ZBTB38: variants seen among roughly 807,000 people sequenced by gnomAD.
ZBTB38 encodes zinc finger and BTB domain-containing protein 38.
Under a neutral mutation model 76.8 loss-of-function variants are expected in ZBTB38, and 20 were observed. The observed-to-expected ratio is 0.26, with a 90% CI of 0.18 to 0.38. The LOEUF is 0.38. Ranked by LOEUF, ZBTB38 falls within the 10% of genes least tolerant of loss-of-function variation. The pLI is 1.00. For missense variants in ZBTB38, 1,082 were observed against 1,482.3 expected (o/e 0.73, Z 4.43); for synonymous variants, 504 against 544.2 (o/e 0.93, Z 1.03).
At chr3:141,364,382 C>CT (rs1318778576), upstream of ZBTB38, among the ~76,000 whole-genome samples, 1 of 144,280 alleles carries the variant, frequency 6.9e-6, no homozygotes, top group Non-Finnish European at 1.5e-5. Context: ...AAACTGAAAA[C>CT]TTTAAAAAAA....
intron 2 of ZBTB38, among the ~76,000 whole-genome samples, chr3:141,377,858 G>T (rs548497200): frequency 7.2e-5 from 11 of 152,308 alleles, no homozygotes; most frequent in Admixed American, 2.6e-4. Flanking sequence ...TATGCTACAT[G>T]ATTCCATTTA....
chr3:141,341,028 A>G (rs948483149), intron 1 of ZBTB38, among the ~76,000 whole-genome samples: 1 of 149,146 alleles, frequency 6.7e-6, no homozygotes, highest in East Asian at 2.0e-4. Flanking sequence ...AAAGATAGAC[A>G]AGTGGTTAAT....
intron 1 of ZBTB38, among the ~76,000 whole-genome samples, chr3:141,329,301 G>A (rs561742328): frequency 1.6e-4 from 24 of 152,236 alleles, no homozygotes; most frequent in African/African-American, 5.5e-4. Flanking sequence ...GCCATTCAAC[G>A]AAAGGAATTA....
Position 141,448,091 on chromosome 3 carries a change from TTAA to T in ZBTB38, c.*2121_*2123del, listed in dbSNP as rs1248208678. ...ATGATCCACTAATTTGTTTTATCAG[TTAA>T]TAATATTAATCAAAGACATTTACTG... On this transcript the variant is annotated 3_prime_UTR_variant, in exon 6 of 6. Transcript: ENST00000321464. 2.0e-5 allele frequency: 3 copies of T among 152,622 alleles called. No homozygotes were observed. The highest frequency in any genetic ancestry group is 4.8e-5 in the African/African-American group (2 of 41,446). 9.5% of individuals were successfully genotyped at this position (152,622 alleles called of 1,614,324 possible).
intron 4 of ZBTB38, among the ~76,000 whole-genome samples, chr3:141,401,168 T>C (rs1053304485): frequency 1.3e-5 from 2 of 152,354 alleles, no homozygotes; most frequent in South Asian, 4.1e-4. Context: ...TGATTGGTAA[T>C]TGCATATACA....
intron 4 of ZBTB38, among the ~76,000 whole-genome samples, chr3:141,393,764 A>G (rs550439346): frequency 2.0e-5 from 3 of 151,034 alleles, no homozygotes; most frequent in African/African-American, 7.4e-5. Flanking sequence ...TACCAGGGAG[A>G]AAGTGGGAAG....
At chr3:141,367,971 T>A (rs1255432117), upstream of ZBTB38, among the ~76,000 whole-genome samples, 1 of 152,092 alleles carries the variant, frequency 6.6e-6, no homozygotes. Context: ...GCACCCAGGG[T>A]AGGGAGCGAA....
In ZBTB38 at chr3:141,444,190, G is replaced by A. The variant is rs1216891452; in HGVS notation, c.1802G>A (p.Gly601Asp). The A allele has an allele frequency of 6.2e-7, 1 of 1,614,136 alleles. No individual in the cohort carries two copies. Among genetic ancestry groups the A allele is most frequent in the Non-Finnish European group, 8.5e-7 (1 of 1,180,026 alleles). Reference sequence around the variant, plus strand: ...AGTCAAATGAATGAGTCTGCACCTGGTACCTATGTTGTTCAGAATCCACAC... The same window carrying A: ...AGTCAAATGAATGAGTCTGCACCTGATACCTATGTTGTTCAGAATCCACAC... ...ENSQMNESAPGTYVVQNPHSS... is the reference protein window; with the variant it reads ...ENSQMNESAPDTYVVQNPHSS... Residue 601 changes from glycine to aspartate, a missense_variant, in exon 6 of 6, where the codon GGT becomes GAT. Gly to Asp is a moderately conservative substitution (Grantham distance 94). Around this residue, in one of 8 missense-constraint regions of ZBTB38, gnomAD observed 471 missense variants for 581.0 expected, o/e 0.81. Coordinates refer to ENST00000321464, the MANE Select transcript of ZBTB38 (RefSeq NM_001376113.1). The surrounding 1 kb of genome is among the most constrained non-coding windows in gnomAD (Gnocchi z 5.1).
intron 1 of ZBTB38, among the ~76,000 whole-genome samples, chr3:141,351,701 C>G (rs1264511593): frequency 2.5e-5 from 3 of 118,484 alleles, no homozygotes; most frequent in Non-Finnish European, 5.1e-5. Flanking sequence ...GCCTGGGTAA[C>G]AGAGCAAGAC....
intron 5 of ZBTB38, chr3:141,427,720 G>A (rs2076660177): frequency 6.6e-6 from 1 of 152,518 alleles, no homozygotes. Context: ...CTCCCCTGAA[G>A]CTTCACACTC....
At chr3:141,378,677 C>A (rs893795027) in intron 2 of ZBTB38, among the ~76,000 whole-genome samples, 3 of 152,174 alleles carry the variant, frequency 2.0e-5, no homozygotes, top group African/African-American at 7.2e-5. Context: ...TTTATTTTGC[C>A]GCCTTCTAAC....
At chr3:141,436,424 T>C (rs1391890108) in intron 5 of ZBTB38, among the ~76,000 whole-genome samples, 4 of 152,162 alleles carry the variant, frequency 2.6e-5, no homozygotes, top group Non-Finnish European at 2.9e-5. Context: ...CACAGCCACT[T>C]GGCACCAGTC....
intron 2 of ZBTB38, among the ~76,000 whole-genome samples, chr3:141,377,724 T>C (rs985551594): frequency 1.3e-5 from 2 of 152,182 alleles, no homozygotes; most frequent in African/African-American, 4.8e-5. Context: ...AGCAAGTTAG[T>C]GGGTAACACA....
At chr3:141,375,263 A>G (rs1284805028) in intron 2 of ZBTB38, among the ~76,000 whole-genome samples, 1 of 152,196 alleles carries the variant, frequency 6.6e-6, no homozygotes, top group African/African-American at 2.4e-5. Flanking sequence ...TGAGGCCCAT[A>G]ATGGTTCATT....
rs115718213 is a variant in ZBTB38, at chr3:141,352,186, G to C, written c.-738-16435G>C. ...ATTTTTTTATATATCAAGTGATAAA[G>C]AAAAATAGAGCAGAAAAAGAAGCTA... is the stretch of plus-strand genomic sequence containing the variant. On this transcript the variant is annotated intron_variant, in intron 1 of 7. Coordinates refer to the ZBTB38 transcript ENST00000509842. 4.9e-3 allele frequency among the ~76,000 whole-genome samples: 742 copies of C among 152,212 alleles called. 9 individuals are homozygous for C. Among genetic ancestry groups the C allele is most frequent in the African/African-American group, 0.017 (713 of 41,510 alleles).
intron 5 of ZBTB38, among the ~76,000 whole-genome samples, chr3:141,422,872 T>C (rs1404533491): frequency 6.6e-6 from 1 of 152,216 alleles, no homozygotes; most frequent in Non-Finnish European, 1.5e-5. Flanking sequence ...CAAAGTATTA[T>C]AAAAATAATT....
chr3:141,403,315 T>C (rs921204383), intron 4 of ZBTB38, among the ~76,000 whole-genome samples: 7 of 152,220 alleles, frequency 4.6e-5, no homozygotes, highest in African/African-American at 1.4e-4. Flanking sequence ...GGTTACAAAA[T>C]GTGGAAGAGT....
chr3:141,383,695 C>T (rs767177247), intron 3 of ZBTB38: 8 of 152,192 alleles, frequency 5.3e-5, no homozygotes, highest in African/African-American at 1.2e-4. Flanking sequence ...TGCAGAACAA[C>T]GAGACCACGA....
At chr3:141,402,406 T>G (rs1407577722) in intron 4 of ZBTB38, 1 of 151,292 alleles carries the variant, frequency 6.6e-6, no homozygotes, top group Non-Finnish European at 1.5e-5. Flanking sequence ...GGAAGCACCA[T>G]GGACCCCCGG....
Sources: gnomAD v4.1 joint callset for allele counts (sites outside exome capture counted in the v4.1 genomes callset) on GRCh38, gnomAD v4.1.1 for gene constraint, gnomAD v4.1.1 regional missense constraint, Gnocchi (gnomAD v3.1) non-coding constraint, MANE v1.5 for transcripts, NCBI Gene and HGNC (gene_info 2026-07-23, HGNC 2026-07-21) for gene names.